Variants in TIMP2 observed in about 807,000 individuals in gnomAD.
TIMP2 encodes the protein TIMP metallopeptidase inhibitor 2.
TIMP2 carries 5 observed loss-of-function variants against 24.3 expected under a neutral mutation model. The ratio of observed to expected loss-of-function variants is 0.21; its 90% CI spans 0.11 to 0.43. TIMP2 has a LOEUF of 0.43. Among genes scored for constraint, TIMP2 ranks in the 20% least tolerant of loss-of-function variants. TIMP2 has a pLI of 1.00. For missense variants in TIMP2, 221 were observed against 297.5 expected, an observed-to-expected ratio of 0.74 and a Z score of 1.89; for synonymous variants, 130 against 123.2, an observed-to-expected ratio of 1.06 and a Z score of -0.37.
chr17:78,892,657 G>GT, intron 1 of TIMP2: 1 of 744,760 alleles, frequency 1.3e-6, no homozygotes, highest in Non-Finnish European at 2.1e-6. Context: ...ACAAGAGCCT[G>GT]TAGGGCAGCT....
intron 1 of TIMP2, chr17:78,898,679 AAC>A (rs2145780542): frequency 6.6e-6 from 1 of 152,234 alleles, no homozygotes; most frequent in East Asian, 1.9e-4. Flanking sequence ...GAATCTTGTT[AAC>A]AGTTAGGCTC....
intron 3 of TIMP2, among the ~76,000 whole-genome samples, chr17:78,862,231 T>TG (rs958949269): frequency 1.3e-5 from 2 of 152,194 alleles, no homozygotes; most frequent in African/African-American, 4.8e-5. Flanking sequence ...GGTCACTCAC[T>TG]GGCCACAGCC....
At chr17:78,882,035 G>A (rs1263716624) in intron 1 of TIMP2, among the ~76,000 whole-genome samples, 2 of 152,172 alleles carry the variant, frequency 1.3e-5, no homozygotes, top group Admixed American at 1.3e-4. Context: ...CACGACGTTG[G>A]CTCACTGCAA....
At chr17:78,895,759 T>C (rs1260423130) in intron 1 of TIMP2, among the ~76,000 whole-genome samples, 2 of 152,068 alleles carry the variant, frequency 1.3e-5, no homozygotes, top group South Asian at 2.1e-4. Context: ...GCCACAGGGA[T>C]GTCCAATTAG....
chr17:78,860,397 C>A (rs1181345911), intron 3 of TIMP2, among the ~76,000 whole-genome samples: 2 of 152,168 alleles, frequency 1.3e-5, no homozygotes, highest in Non-Finnish European at 2.9e-5. Flanking sequence ...ACAGCACCAG[C>A]CTCAGAGGAT....
chr17:78,902,059 C>G (rs2070101959), intron 1 of TIMP2: 1 of 513,568 alleles, frequency 1.9e-6, no homozygotes, highest in Non-Finnish European at 3.5e-6. Context: ...TTTTCGCCCT[C>G]TTCTCCCCAA....
chr17:78,890,836 G>C lies in TIMP2; in HGVS notation c.131-16917C>G, dbSNP rs1487994282. ...TCTCCCTTTCCTGGGCTCTCGTGGA[G>C]GAGGACTTCAGATGGGCCAGTCGAG... On this transcript the variant is annotated intron_variant, in intron 1 of 4. Coordinates refer to ENST00000262768, the MANE Select transcript of TIMP2 (RefSeq NM_003255.5). The C allele has an allele frequency of 3.2e-6, 5 of 1,550,514 alleles. No homozygotes were observed. In the South Asian group the frequency reaches 5.9e-5, roughly 18 times the overall value.
Position 78,891,149 on chromosome 17 carries a change from G to A in TIMP2, c.131-17230C>T. 1.3e-6 allele frequency: 2 copies of A among 1,550,648 alleles called. No individual in the cohort carries two copies. The highest frequency in any genetic ancestry group is 3.9e-5 in the Admixed American group (2 of 51,000). ...TTTGTTGATAAATATACCTGCCTCGGGAGACAATGTTTGACTTCCATTTCT... is the reference window on the plus strand; with the variant it reads ...TTTGTTGATAAATATACCTGCCTCGAGAGACAATGTTTGACTTCCATTTCT... On this transcript the variant is annotated intron_variant, in intron 1 of 4. Coordinates refer to ENST00000262768, the MANE Select transcript of TIMP2 (RefSeq NM_003255.5). This position sits in a 1 kb window ranked among gnomAD's most constrained non-coding sequence, Gnocchi z 4.5.
At position 78,917,843 on chromosome 17, in the gene TIMP2, C is replaced by T. The variant is rs1363738201; in HGVS notation, c.130+7116G>A. The stretch of plus-strand genomic sequence containing the variant: ...CTGAGCGGATCCTGGCTGCCCAGGG[C>T]GGCCGAGTGCAGAATGAGGGTGGAA... On this transcript the variant is annotated intron_variant, in intron 1 of 4. Transcript: ENST00000262768. Among the ~76,000 whole-genome samples the T allele has an allele frequency of 3.3e-5, 5 of 152,120 alleles. No individual in the cohort carries two copies. The East Asian group carries it at 5.8e-4, about 18-fold the overall frequency.
intron 1 of TIMP2, among the ~76,000 whole-genome samples, chr17:78,921,483 C>T (rs987089024): frequency 6.6e-6 from 1 of 152,164 alleles, no homozygotes; most frequent in African/African-American, 2.4e-5. Context: ...AGTCCAGAAA[C>T]GGGCCCAAGC....
At position 78,892,141 on chromosome 17, in the gene TIMP2, T is replaced by C. The variant is rs59034836; in HGVS notation, c.131-18222A>G. 3,669 of 1,550,920 alleles carry C rather than the reference T, an allele frequency of 2.4e-3. 53 individuals are homozygous for C. In the African/African-American group the frequency reaches 0.042, roughly 18 times the overall value. On this transcript the variant is annotated intron_variant, in intron 1 of 4. Transcript: ENST00000262768. The stretch of plus-strand genomic sequence containing the variant: ...CCAGGCCACCGACGTGCAGGTGCTG[T>C]GCCTCCTGATACCCTCTCCTCAACT...
In TIMP2 at chr17:78,891,552, A is replaced by T. The variant is rs573912025; in HGVS notation, c.131-17633T>A. On this transcript the variant is annotated intron_variant, in intron 1 of 4. Transcript: ENST00000262768. The surrounding 1 kb of genome is among the most constrained non-coding windows in gnomAD (Gnocchi z 4.5). ...GCTGGGGACACGGCTTCCCTTCTGC[A>T]GCTGGAATCAGCTGGCCACAGCTGC... The T allele has an allele frequency of 6.4e-6, 10 of 1,550,860 alleles. No homozygotes were observed. In the Admixed American group the frequency reaches 2.0e-4, roughly 30 times the overall value.
chr17:78,865,651 G>A (rs1363284975), intron 3 of TIMP2, among the ~76,000 whole-genome samples: 1 of 150,810 alleles, frequency 6.6e-6, no homozygotes, highest in Non-Finnish European at 1.5e-5. Flanking sequence ...AATTAGCTGG[G>A]CGTGGTGTTG....
chr17:78,877,149 T>C (rs1849406403), intron 1 of TIMP2, among the ~76,000 whole-genome samples: 1 of 152,218 alleles, frequency 6.6e-6, no homozygotes, highest in Admixed American at 6.5e-5. Flanking sequence ...GTGCAGTTTG[T>C]CCTTGGCTCT....
chr17:78,906,436 G>C (rs182275626), intron 1 of TIMP2, among the ~76,000 whole-genome samples: 6 of 152,266 alleles, frequency 3.9e-5, no homozygotes, highest in Non-Finnish European at 7.4e-5. Flanking sequence ...GCTTGAAAAT[G>C]CTAACAATCA....
intron 1 of TIMP2, among the ~76,000 whole-genome samples, chr17:78,881,196 A>G (rs1311084004): frequency 2.6e-5 from 4 of 152,264 alleles, no homozygotes; most frequent in Non-Finnish European, 5.9e-5. Context: ...GGCCCCTCCC[A>G]GCCGTCCACC....
intron 3 of TIMP2, 116 bp from the exon 4 acceptor site, chr17:78,857,762 C>A (rs1203334690): frequency 1.4e-6 from 2 of 1,398,420 alleles, no homozygotes; most frequent in Non-Finnish European, 1.9e-6. Flanking sequence ...TGTGCACTGT[C>A]TATTCTGAGT....
At chr17:78,894,203 G>A (rs1034997989) in intron 1 of TIMP2, among the ~76,000 whole-genome samples, 28 of 151,938 alleles carry the variant, frequency 1.8e-4, no homozygotes, top group Non-Finnish European at 3.7e-4. Flanking sequence ...ACCCCCCCCG[G>A]TTCACAGACA....
At position 78,855,372 on chromosome 17, in the gene TIMP2, A is replaced by T. The variant is rs1321121545; in HGVS notation, c.*295T>A. 1.3e-5 allele frequency: 6 copies of T among 453,532 alleles called. No individual in the cohort carries two copies. Among genetic ancestry groups the T allele is most frequent in the Admixed American group, 7.0e-5 (2 of 28,672 alleles). The allele number at this position is 453,532 out of a possible 1,614,324, so 28.1% of individuals were successfully genotyped here. On this transcript the variant is annotated 3_prime_UTR_variant, in exon 5 of 5. Coordinates refer to ENST00000262768, the MANE Select transcript of TIMP2 (RefSeq NM_003255.5). This position sits in a 1 kb window ranked among gnomAD's most constrained non-coding sequence, Gnocchi z 6.0. ...CTGCTTGGCATCTGTGACGGTGCCA[A>T]GGCAGGGACTGGGAGGGAAGCCGCG... is the stretch of plus-strand genomic sequence containing the variant.
Sources: gnomAD v4.1 joint callset for allele counts (sites outside exome capture counted in the v4.1 genomes callset) on GRCh38, gnomAD v4.1.1 for gene constraint, Gnocchi (gnomAD v3.1) non-coding constraint, MANE v1.5 for transcripts, NCBI Gene and HGNC (gene_info 2026-07-23, HGNC 2026-07-21) for gene names.